The following GTF2E1 variants were observed in gnomAD, a reference collection of about 807,000 sequenced individuals.
GTF2E1 encodes general transcription factor IIE subunit 1.
In GTF2E1, 14 loss-of-function variants were observed where a neutral mutation model predicts 34.9. The ratio of observed to expected loss-of-function variants is 0.40; its 90% confidence interval spans 0.27 to 0.63. The LOEUF (loss-of-function observed/expected upper bound fraction) is 0.63. GTF2E1 is among the 20% of genes least tolerant of loss of function. The probability of loss-of-function intolerance (pLI) is 0.39; values close to 1 mark genes in which losing one functional copy is unlikely to be tolerated. For missense variants in GTF2E1, 469 were observed against 557.7 expected, an observed-to-expected ratio of 0.84 and a Z score of 1.60; for synonymous variants, 188 against 192.9, an observed-to-expected ratio of 0.97 and a Z score of 0.21.
intron 3 of GTF2E1, among the ~76,000 whole-genome samples, chr3:120,776,166 ACC>A (rs1231534042): frequency 6.6e-6 from 1 of 152,184 alleles, no homozygotes; most frequent in East Asian, 1.9e-4. Context: ...AATCTATAAA[ACC>A]TCAGTCATTT....
At chr3:120,747,367 A>G (rs1382891003) in intron 1 of GTF2E1, among the ~76,000 whole-genome samples, 3 of 152,104 alleles carry the variant, frequency 2.0e-5, no homozygotes, top group African/African-American at 7.2e-5. Context: ...ATTTAACATT[A>G]GGTATATCTC....
intron 2 of GTF2E1, among the ~76,000 whole-genome samples, chr3:120,769,312 A>G (rs963258734): frequency 1.3e-4 from 20 of 152,152 alleles, no homozygotes; most frequent in Admixed American, 1.0e-3. Flanking sequence ...GCTATCAGGT[A>G]CGCACCTGTA....
intron 1 of GTF2E1, among the ~76,000 whole-genome samples, chr3:120,745,845 A>G (rs1352477089): frequency 6.6e-6 from 1 of 152,212 alleles, no homozygotes; most frequent in Non-Finnish European, 1.5e-5. Flanking sequence ...TGTGTCCAGT[A>G]GTATGCTGTG....
intron 4 of GTF2E1, among the ~76,000 whole-genome samples, chr3:120,777,559 G>T (rs1709412131): frequency 6.6e-6 from 1 of 152,096 alleles, no homozygotes; most frequent in South Asian, 2.1e-4. Context: ...TTCATAATTA[G>T]CATTTAGTAT....
At chr3:120,768,958 C>G (rs1191040876) in intron 2 of GTF2E1, among the ~76,000 whole-genome samples, 1 of 152,152 alleles carries the variant, frequency 6.6e-6, no homozygotes, top group African/African-American at 2.4e-5. Context: ...CACCATTTCT[C>G]TTTCTCAAGG....
chr3:120,749,417 A>T (rs1474363378), intron 1 of GTF2E1, among the ~76,000 whole-genome samples: 2 of 152,150 alleles, frequency 1.3e-5, no homozygotes, highest in Non-Finnish European at 2.9e-5. Flanking sequence ...TATTATTTTG[A>T]GATACGTCCC....
At position 120,750,967 on chromosome 3, in the gene GTF2E1, T is replaced by G; in HGVS notation, c.415T>G (p.Leu139Val). The change falls in exon 2 of 5, where the codon TTA (leucine) becomes GTA (valine). Residue 139 changes from leucine to valine, a missense_variant. Physicochemically the swap from Leu to Val is conservative, Grantham distance 32. Coordinates refer to ENST00000283875, the MANE Select transcript of GTF2E1 (RefSeq NM_005513.3). ...TGTCTGTAGTAGTACTTTCACAGAC[T>G]TAGAAGCTAATCAGCTCTTTGATCC... is the stretch of plus-strand genomic sequence containing the variant. ...CPVCSSTFTD[L>V]EANQLFDPMT... 2 of 1,613,300 alleles carry G rather than the reference T, an allele frequency of 1.2e-6. No homozygotes were observed. Among genetic ancestry groups the G allele is most frequent in the Non-Finnish European group, 1.7e-6 (2 of 1,179,334 alleles).
chr3:120,777,879 A>G (rs1469663247), intron 4 of GTF2E1, among the ~76,000 whole-genome samples: 2 of 152,152 alleles, frequency 1.3e-5, no homozygotes, highest in African/African-American at 4.8e-5. Context: ...GCAAGCCACC[A>G]TGGCCAGCTA....
chr3:120,769,999 T>G (rs1051234144), intron 2 of GTF2E1, among the ~76,000 whole-genome samples: 2 of 152,184 alleles, frequency 1.3e-5, no homozygotes, highest in African/African-American at 4.8e-5. Flanking sequence ...CACTTGGTTG[T>G]TTGTTCTTTA....
intron 1 of GTF2E1, among the ~76,000 whole-genome samples, chr3:120,747,734 A>T (rs1709120553): frequency 6.6e-6 from 1 of 152,200 alleles, no homozygotes; most frequent in Non-Finnish European, 1.5e-5. Context: ...CTATAACAGC[A>T]TGATTTATAG....
chr3:120,750,505 G>GT lies in GTF2E1; in HGVS notation c.-30-9dup, dbSNP rs748927776. 1.4e-3 allele frequency: 2,044 copies of GT among 1,425,786 alleles called. No individual in the cohort carries two copies. The highest frequency in any genetic ancestry group is 1.9e-3 in the South Asian group (151 of 79,920). The allele number at this position is 1,425,786 out of a possible 1,614,324, so 88.3% of individuals were successfully genotyped here. A position where few individuals can be genotyped will look rare whatever the true frequency, so the allele number is the denominator to read the frequency against. ...TGTTCTTATACCTGGCTAATTTTCT[G>GT]TTTTTTTTTGAATTCAGTATATTTA... On this transcript the variant is annotated splice_polypyrimidine_tract_variant and intron_variant, in intron 1 of 4. Transcript: ENST00000283875.
At chr3:120,743,723 G>C (rs569688654) in intron 1 of GTF2E1, among the ~76,000 whole-genome samples, 3 of 152,294 alleles carry the variant, frequency 2.0e-5, no homozygotes, top group Admixed American at 2.0e-4. Flanking sequence ...TTAGCTGTAG[G>C]GGCAGAAGGA....
chr3:120,760,664 C>T (rs1261566131), intron 2 of GTF2E1, among the ~76,000 whole-genome samples: 3 of 152,158 alleles, frequency 2.0e-5, no homozygotes, highest in Non-Finnish European at 4.4e-5. Flanking sequence ...AAGACCTTTT[C>T]TGCATCTATT....
chr3:120,770,836 C>G lies in GTF2E1; in HGVS notation c.557C>G (p.Pro186Arg). 1.9e-6 allele frequency: 3 copies of G among 1,613,576 alleles called. No homozygotes were observed. The highest frequency in any genetic ancestry group is 2.5e-6 in the Non-Finnish European group (3 of 1,179,596). The change falls in exon 3 of 5, where the codon CCC becomes CGC. Residue 186 changes from proline (P) to arginine (R), a missense_variant. Physicochemically the swap from Pro to Arg is moderately radical, Grantham distance 103. Transcript: ENST00000283875. ...GCAAGGTTTAATGAACAAATTGAGCCCATTTATGCATTGCTTCGGGAGACA... is the reference window on the plus strand; with the variant it reads ...GCAAGGTTTAATGAACAAATTGAGCGCATTTATGCATTGCTTCGGGAGACA... ...LLARFNEQIE[P>R]IYALLRETED... is the part of the protein sequence containing the mutation.
At chr3:120,748,503 AG>A (rs1709130124) in intron 1 of GTF2E1, among the ~76,000 whole-genome samples, 1 of 152,228 alleles carries the variant, frequency 6.6e-6, no homozygotes, top group Non-Finnish European at 1.5e-5. Context: ...TTTATTAAAT[AG>A]GGAATCCTTT....
intron 2 of GTF2E1, among the ~76,000 whole-genome samples, chr3:120,767,900 G>T (rs560481916): frequency 6.6e-6 from 1 of 152,052 alleles, no homozygotes; most frequent in Admixed American, 6.6e-5. Flanking sequence ...GTCATTCTGA[G>T]ATTGTCCTTC....
intron 2 of GTF2E1, among the ~76,000 whole-genome samples, chr3:120,751,764 A>G (rs1709166501): frequency 6.6e-6 from 1 of 152,178 alleles, no homozygotes; most frequent in Non-Finnish European, 1.5e-5. Flanking sequence ...TACTCGATCA[A>G]TTTTGTCTTA....
chr3:120,775,046 A>G (rs1305946343), intron 3 of GTF2E1, among the ~76,000 whole-genome samples: 1 of 152,156 alleles, frequency 6.6e-6, no homozygotes, highest in Non-Finnish European at 1.5e-5. Flanking sequence ...ACACAGTGTA[A>G]TTTAGGGAAA....
chr3:120,763,279 C>T (rs888881777), intron 2 of GTF2E1, among the ~76,000 whole-genome samples: 3 of 152,098 alleles, frequency 2.0e-5, no homozygotes, highest in African/African-American at 7.2e-5. Context: ...GCCCTTCTTC[C>T]CCCATATTGT....
Sources: allele counts gnomAD v4.1 joint callset (sites outside exome capture counted in the v4.1 genomes callset), GRCh38; gene constraint gnomAD v4.1.1; transcripts MANE v1.5; gene names NCBI Gene and HGNC (gene_info 2026-07-23, HGNC 2026-07-21).